The following DTHD1 variants were observed in gnomAD, a reference collection of about 807,000 sequenced individuals.
DTHD1 encodes death domain-containing protein 1.
DTHD1 carries 59 observed loss-of-function variants against 74.8 expected under a neutral mutation model. That is an observed-to-expected ratio of 0.79 (90% CI 0.64 to 0.98). The LOEUF (loss-of-function observed/expected upper bound fraction) is 0.98, where lower values mean the gene tolerates loss of function less well. Among genes scored for constraint, DTHD1 ranks in the 50% least tolerant of loss-of-function variants. The pLI is 0.00. For synonymous variants in DTHD1, 365 were observed against 371.1 expected (o/e 0.98, Z 0.19); for missense variants, 1,051 against 1,065.4 (o/e 0.99, Z 0.19).
intron 8 of DTHD1, among the ~76,000 whole-genome samples, chr4:36,333,305 G>T (rs1234460197): frequency 1.3e-5 from 2 of 151,850 alleles, no homozygotes; most frequent in African/African-American, 4.8e-5. Context: ...GTTTAGAGTT[G>T]AGCACCGAAG....
Position 36,345,404 on chromosome 4 carries a change from G to A in DTHD1, c.*1580G>A, listed in dbSNP as rs1167303831. On this transcript the variant is annotated 3_prime_UTR_variant, in exon 10 of 10. Transcript: ENST00000639862. ...TAATGCAAAAACCATTAGGTCGTTG[G>A]CTTGAAAACATCGGTAGCAATTAGT... 3 of 152,250 alleles carry A rather than the reference G, an allele frequency of 2.0e-5. No homozygotes were observed. Among genetic ancestry groups the A allele is most frequent in the East Asian group, 3.9e-4 (2 of 5,186 alleles). 9.4% of individuals were successfully genotyped at this position (152,250 alleles called of 1,614,324 possible). A position where few individuals can be genotyped will look rare whatever the true frequency, so the allele number is the denominator to read the frequency against.
chr4:36,298,309 G>A (rs1013673652), intron 5 of DTHD1, among the ~76,000 whole-genome samples: 1 of 152,040 alleles, frequency 6.6e-6, no homozygotes, highest in African/African-American at 2.4e-5. Flanking sequence ...TTGCAACATA[G>A]TAAGTGCTAA....
At position 36,314,083 on chromosome 4, in the gene DTHD1, T is replaced by TTC. The variant is rs59423318; in HGVS notation, c.2096-2159_2096-2158insTC. Among the ~76,000 whole-genome samples, 390 of 147,994 alleles carry TTC rather than the reference T, an allele frequency of 2.6e-3. 4 individuals are homozygous for TTC. Among genetic ancestry groups the TTC allele is most frequent in the African/African-American group, 9.9e-3 (376 of 38,064 alleles). On this transcript the variant is annotated intron_variant, in intron 7 of 9. Coordinates refer to ENST00000639862, the MANE Select transcript of DTHD1 (RefSeq NM_001170700.3). ...CCTAGGAATCTGTTTTTTTTTTTTT[T>TTC]CTTTTTTTCCAAGTAGCCAGGTTGC...
intron 5 of DTHD1, among the ~76,000 whole-genome samples, chr4:36,300,082 G>T (rs1756671522): frequency 6.6e-6 from 1 of 152,114 alleles, no homozygotes; most frequent in Non-Finnish European, 1.5e-5. Context: ...ATATATAGTT[G>T]TTTTCATCTT....
chr4:36,300,897 G>A (rs1411437193), intron 5 of DTHD1, among the ~76,000 whole-genome samples: 1 of 152,152 alleles, frequency 6.6e-6, no homozygotes, highest in Admixed American at 6.6e-5. Flanking sequence ...TGGAGGTAGT[G>A]TACTTAGAAG....
intron 9 of DTHD1, among the ~76,000 whole-genome samples, chr4:36,339,905 C>A (rs574929717): frequency 2.0e-5 from 3 of 152,108 alleles, no homozygotes; most frequent in Non-Finnish European, 4.4e-5. Flanking sequence ...GATAAATAAA[C>A]GGTGTTTAAA....
intron 7 of DTHD1, among the ~76,000 whole-genome samples, chr4:36,309,383 C>T (rs1012422201): frequency 3.3e-4 from 51 of 152,280 alleles, no homozygotes; most frequent in Admixed American, 1.2e-3. Flanking sequence ...ACCCGGGAGG[C>T]GGAGGTTGCA....
In DTHD1 at chr4:36,302,114, G is replaced by A. The variant is rs561044373; in HGVS notation, c.1644-4077G>A. On this transcript the variant is annotated intron_variant, in intron 5 of 9. Coordinates refer to ENST00000639862, the MANE Select transcript of DTHD1 (RefSeq NM_001170700.3). ...GTGGAATAACTGAACCACGCATAGCGTAACAGTGGAGAGTTTTCTTGTTTT... is the reference window on the plus strand; with the variant it reads ...GTGGAATAACTGAACCACGCATAGCATAACAGTGGAGAGTTTTCTTGTTTT... 1.8e-4 allele frequency among the ~76,000 whole-genome samples: 27 copies of A among 152,316 alleles called. 2 individuals carry two copies. The highest frequency in any genetic ancestry group is 3.4e-3 in the Middle Eastern group (1 of 294).
intron 8 of DTHD1, among the ~76,000 whole-genome samples, chr4:36,336,007 G>A (rs1578494666): frequency 6.6e-6 from 1 of 152,138 alleles, no homozygotes; most frequent in African/African-American, 2.4e-5. Context: ...GGCTTGCATT[G>A]TGCTTAACAG....
At chr4:36,337,274 G>A (rs1365279062) in intron 8 of DTHD1, among the ~76,000 whole-genome samples, 6 of 152,140 alleles carry the variant, frequency 3.9e-5, no homozygotes, top group Non-Finnish European at 8.8e-5. Context: ...GTGCCTGGAA[G>A]TCTAAAAAGA....
At chr4:36,326,047 G>C (rs774634287) in intron 8 of DTHD1, among the ~76,000 whole-genome samples, 33 of 152,142 alleles carry the variant, frequency 2.2e-4, no homozygotes, top group Admixed American at 1.1e-3. Flanking sequence ...ACAGCTCATC[G>C]TCATAACCTT....
intron 5 of DTHD1, among the ~76,000 whole-genome samples, chr4:36,297,333 C>A (rs530017951): frequency 9.9e-5 from 15 of 152,280 alleles, no homozygotes; most frequent in African/African-American, 3.6e-4. Flanking sequence ...ATTCCATCAT[C>A]TATCTATTAA....
At position 36,294,964 on chromosome 4, in the gene DTHD1, A is replaced by G; in HGVS notation, c.1568A>G (p.Asn523Ser). 6.4e-7 allele frequency: 1 copy of G among 1,551,526 alleles called. No individual in the cohort carries two copies. The highest frequency in any genetic ancestry group is 2.4e-5 in the East Asian group (1 of 40,860). Residue 523 changes from asparagine (N) to serine (S), a missense_variant, in exon 5 of 10, where the codon AAC becomes AGC. Asn to Ser is a conservative substitution (Grantham distance 46). Transcript: ENST00000639862. ...LPCSPYLDKN[N>S]LGSEIDHKRR... ...TGTTCTCCATACCTTGATAAAAACA[A>G]CCTTGGTTCTGAGATAGATCATAAA...
At position 36,293,622 on chromosome 4, in the gene DTHD1, G is replaced by A. The variant is rs1199013078; in HGVS notation, c.1315G>A (p.Ala439Thr). ...ESFTVTKKGLALKSSMDSRIS... is the reference protein window; with the variant it reads ...ESFTVTKKGLTLKSSMDSRIS... ...GTTCACAGTAACAAAGAAAGGCCTCGCTCTTAAGTCAAGCATGGATTCCCG... is the reference window on the plus strand; with the variant it reads ...GTTCACAGTAACAAAGAAAGGCCTCACTCTTAAGTCAAGCATGGATTCCCG... The change falls in exon 4 of 10, where the codon GCT (alanine) becomes ACT (threonine). Residue 439 changes from alanine (A) to threonine (T), a missense_variant. Coordinates refer to ENST00000639862, the MANE Select transcript of DTHD1 (RefSeq NM_001170700.3). 47 of 1,548,956 alleles carry A rather than the reference G, an allele frequency of 3.0e-5. No homozygotes were observed. Among genetic ancestry groups the A allele is most frequent in the East Asian group, 9.8e-5 (4 of 40,810 alleles).
chr4:36,312,956 G>T (rs566392130), intron 7 of DTHD1, among the ~76,000 whole-genome samples: 1 of 152,246 alleles, frequency 6.6e-6, no homozygotes, highest in East Asian at 1.9e-4. Flanking sequence ...CAGTAAACCA[G>T]GCAAAAAATG....
chr4:36,324,483 C>T (rs6832047), intron 8 of DTHD1, among the ~76,000 whole-genome samples: 116,946 of 152,170 alleles, frequency 0.77, 45,863 homozygotes, highest in African/African-American at 0.93. Flanking sequence ...TCTCTTAAAA[C>T]TGTAACATTT....
At position 36,343,898 on chromosome 4, in the gene DTHD1, G is replaced by A; in HGVS notation, c.*74G>A. On this transcript the variant is annotated 3_prime_UTR_variant, in exon 10 of 10. Coordinates refer to ENST00000639862, the MANE Select transcript of DTHD1 (RefSeq NM_001170700.3). ...TTTTGTTTCTGTCAACATTTTCCTG[G>A]AAGTTTCCGAATGATATTATTTGAA... 3 of 1,332,068 alleles carry A rather than the reference G, an allele frequency of 2.3e-6. No homozygotes were observed. The South Asian group carries it at 4.5e-5, about 20-fold the overall frequency. 82.5% of individuals were successfully genotyped at this position (1,332,068 alleles called of 1,614,324 possible).
intron 5 of DTHD1, among the ~76,000 whole-genome samples, chr4:36,305,527 C>T (rs557365342): frequency 9.2e-5 from 14 of 152,250 alleles, no homozygotes; most frequent in African/African-American, 2.9e-4. Flanking sequence ...CTCACAACAT[C>T]GCAACACGTG....
rs1756209425 is a variant in DTHD1 at position 36,293,557 on chromosome 4, T to C, written c.1250T>C (p.Leu417Ser). The change falls in exon 4 of 10, where the codon TTG becomes TCG. Residue 417 changes from leucine (L) to serine (S), a missense_variant. Physicochemically the swap from Leu to Ser is moderately radical, Grantham distance 145. Transcript: ENST00000639862. ...GTCASVKVYK[L>S]GIFSVVSCLK... Reference sequence around the variant, plus strand: ...TGTGCTTCAGTAAAAGTTTACAAATTGGGTATCTTTTCTGTTGTGTCTTGT... The same window carrying C: ...TGTGCTTCAGTAAAAGTTTACAAATCGGGTATCTTTTCTGTTGTGTCTTGT... 6.5e-7 allele frequency: 1 copy of C among 1,546,454 alleles called. No homozygotes were observed. The highest frequency in any genetic ancestry group is 1.4e-5 in the African/African-American group (1 of 72,992).
Sources: gnomAD v4.1 joint callset for allele counts (sites outside exome capture counted in the v4.1 genomes callset) on GRCh38, gnomAD v4.1.1 for gene constraint, MANE v1.5 for transcripts, NCBI Gene and HGNC (gene_info 2026-07-23, HGNC 2026-07-21) for gene names.